Variants in PPARGC1A observed in about 807,000 individuals in gnomAD.
PPARGC1A encodes the protein PPARG coactivator 1 alpha.
A neutral mutation model predicts 88.7 loss-of-function variants in PPARGC1A; 25 were observed. The ratio of observed to expected loss-of-function variants is 0.28; its 90% CI spans 0.21 to 0.39. The LOEUF (loss-of-function observed/expected upper bound fraction) is 0.39, where lower values mean the gene tolerates loss of function less well. PPARGC1A is among the 10% of genes least tolerant of loss of function. The probability of loss-of-function intolerance (pLI) is 1.00; values close to 1 mark genes in which losing one functional copy is unlikely to be tolerated. For synonymous variants in PPARGC1A, 363 were observed against 355.6 expected, an observed-to-expected ratio of 1.02 and a Z score of -0.24; for missense variants, 880 against 968.7, an observed-to-expected ratio of 0.91 and a Z score of 1.22.
At chr4:24,429,125 A>G in the PPARGC1A span, among the ~76,000 whole-genome samples, 1 of 152,200 alleles carries the variant, frequency 6.6e-6, no homozygotes, top group African/African-American at 2.4e-5. Flanking sequence ...CGAGGTAGTA[A>G]ATACACAAAA....
chr4:23,898,186 A>G (rs1320235657), intron 1 of PPARGC1A, among the ~76,000 whole-genome samples: 1 of 152,214 alleles, frequency 6.6e-6, no homozygotes, highest in Non-Finnish European at 1.5e-5. Context: ...ATCAGCTGAG[A>G]TATTCATGTA....
chr4:23,943,886 T>C, the PPARGC1A span, among the ~76,000 whole-genome samples: 1 of 152,034 alleles, frequency 6.6e-6, no homozygotes, highest in African/African-American at 2.4e-5. Context: ...ATCAGACAAA[T>C]CCCAATAGAG....
the PPARGC1A span, among the ~76,000 whole-genome samples, chr4:24,387,884 A>AAGAAAGAAAG: frequency 1.4e-3 from 170 of 124,478 alleles, 1 homozygote; most frequent in African/African-American, 5.2e-3. Flanking sequence ...AAGAGAAAGA[A>AAGAAAGAAAG]AGAAAGAAAG....
At chr4:24,258,373 T>C in the PPARGC1A span, among the ~76,000 whole-genome samples, 1 of 152,174 alleles carries the variant, frequency 6.6e-6, no homozygotes, top group Non-Finnish European at 1.5e-5. Context: ...AATTCAGTAA[T>C]GGGAGAACAA....
At chr4:24,077,603 T>C in the PPARGC1A span, among the ~76,000 whole-genome samples, 1 of 149,890 alleles carries the variant, frequency 6.7e-6, no homozygotes, top group African/African-American at 2.5e-5. Context: ...TGTTCTGAAA[T>C]GTTTCAATGA....
chr4:24,170,762 C>G, the PPARGC1A span, among the ~76,000 whole-genome samples: 1 of 152,210 alleles, frequency 6.6e-6, no homozygotes, highest in Admixed American at 6.5e-5. Context: ...TCCTATCCAG[C>G]TGAGCATTTA....
At chr4:24,199,879 G>T in the PPARGC1A span, among the ~76,000 whole-genome samples, 1 of 152,016 alleles carries the variant, frequency 6.6e-6, no homozygotes, top group Non-Finnish European at 1.5e-5. Context: ...ATACCCAAGA[G>T]GAACACTGTT....
At chr4:24,068,545 A>C in the PPARGC1A span, among the ~76,000 whole-genome samples, 1 of 152,164 alleles carries the variant, frequency 6.6e-6, no homozygotes, top group South Asian at 2.1e-4. Context: ...GATAAGAGCC[A>C]AGGCTGGGAA....
chr4:24,393,965 A>G, the PPARGC1A span, among the ~76,000 whole-genome samples: 1 of 152,216 alleles, frequency 6.6e-6, no homozygotes, highest in Non-Finnish European at 1.5e-5. Context: ...CAAAAAATAT[A>G]TATGTTAAAG....
rs1723599658 is a variant in PPARGC1A at position 23,824,617 on chromosome 4, A to T, written c.758-109T>A. On this transcript the variant is annotated intron_variant, in intron 5 of 12. Transcript: ENST00000264867. Reference sequence around the variant, plus strand: ...AACAACCAGAAAACTCAAAGACTAAACTAAGGAATTCTCTGAATATTGAAT... The same window carrying T: ...AACAACCAGAAAACTCAAAGACTAATCTAAGGAATTCTCTGAATATTGAAT... 4.3e-6 allele frequency: 4 copies of T among 931,948 alleles called. No homozygotes were observed. The South Asian group carries it at 6.6e-5, about 15-fold the overall frequency. The allele number at this position is 931,948 out of a possible 1,614,324, so 57.7% of individuals were successfully genotyped here.
the PPARGC1A span, among the ~76,000 whole-genome samples, chr4:24,098,223 A>G: frequency 6.6e-6 from 1 of 152,226 alleles, no homozygotes; most frequent in African/African-American, 2.4e-5. Flanking sequence ...TAAAACTGAA[A>G]TTTGTAGAGT....
At chr4:24,092,719 CATTCTA>C in the PPARGC1A span, among the ~76,000 whole-genome samples, 14 of 152,280 alleles carry the variant, frequency 9.2e-5, no homozygotes, top group African/African-American at 3.1e-4. Context: ...GACTAAAGCC[CATTCTA>C]CAGAACAACC....
upstream of PPARGC1A, chr4:23,890,097 A>G: frequency 7.3e-7 from 1 of 1,378,724 alleles, no homozygotes; most frequent in Non-Finnish European, 9.4e-7. Flanking sequence ...GTCACATGAC[A>G]AAGCTATTAA....
chr4:24,269,977 T>C, the PPARGC1A span, among the ~76,000 whole-genome samples: 3 of 152,198 alleles, frequency 2.0e-5, no homozygotes, highest in Non-Finnish European at 4.4e-5. Flanking sequence ...GACACCCAGC[T>C]CTATGGTTAA....
chr4:24,377,587 T>C, the PPARGC1A span, among the ~76,000 whole-genome samples: 2 of 152,134 alleles, frequency 1.3e-5, no homozygotes, highest in Non-Finnish European at 2.9e-5. Flanking sequence ...GCACATATCA[T>C]AGGATGGTTT....
At chr4:24,065,263 G>A in the PPARGC1A span, among the ~76,000 whole-genome samples, 5 of 152,120 alleles carry the variant, frequency 3.3e-5, no homozygotes, top group Non-Finnish European at 5.9e-5. Flanking sequence ...TGCTTGGCCA[G>A]CATCTAGGTG....
chr4:24,133,960 G>A, the PPARGC1A span, among the ~76,000 whole-genome samples: 1 of 152,180 alleles, frequency 6.6e-6, no homozygotes, highest in African/African-American at 2.4e-5. Flanking sequence ...GCTCTAAGAA[G>A]TGGTTGAGGT....
At chr4:24,166,754 G>A in the PPARGC1A span, among the ~76,000 whole-genome samples, 1 of 152,106 alleles carries the variant, frequency 6.6e-6, no homozygotes, top group Non-Finnish European at 1.5e-5. Flanking sequence ...TTATAGCATG[G>A]TTTACTGGAT....
chr4:24,296,077 T>C, the PPARGC1A span, among the ~76,000 whole-genome samples: 1 of 151,136 alleles, frequency 6.6e-6, no homozygotes, highest in South Asian at 2.1e-4. Flanking sequence ...TATGTATATA[T>C]GTACATATAT....
Sources: gnomAD v4.1 joint callset for allele counts (sites outside exome capture counted in the v4.1 genomes callset) on GRCh38, gnomAD v4.1.1 for gene constraint, MANE v1.5 for transcripts, NCBI Gene and HGNC (gene_info 2026-07-23, HGNC 2026-07-21) for gene names.